The following LRBA variants were observed in gnomAD, a reference collection of about 807,000 sequenced individuals.
LRBA encodes lipopolysaccharide-responsive and beige-like anchor protein.
Under a neutral mutation model 330.0 loss-of-function variants are expected in LRBA, and 176 were observed. The ratio of observed to expected loss-of-function variants is 0.53; its 90% confidence interval spans 0.47 to 0.60. LRBA has a LOEUF of 0.60. LRBA is among the 20% of genes least tolerant of loss of function. The pLI is 0.00. For synonymous variants in LRBA, 1,230 were observed against 1,193.0 expected, an observed-to-expected ratio of 1.03 and a Z score of -0.64; for missense variants, 3,259 against 3,444.8, an observed-to-expected ratio of 0.95 and a Z score of 1.35.
intron 55 of LRBA, among the ~76,000 whole-genome samples, chr4:150,281,361 A>T (rs1030166525): frequency 6.6e-6 from 1 of 152,090 alleles, no homozygotes; most frequent in African/African-American, 2.4e-5. Context: ...GACCGCAGAG[A>T]ACAGTGGAGA....
chr4:150,360,153 T>C (rs993449156), intron 47 of LRBA, among the ~76,000 whole-genome samples: 2 of 151,896 alleles, frequency 1.3e-5, no homozygotes, highest in South Asian at 2.1e-4. Context: ...TTTTTTAATT[T>C]ATAAAAAATT....
At chr4:150,502,697 C>T (rs967685530) in intron 40 of LRBA, among the ~76,000 whole-genome samples, 4 of 152,172 alleles carry the variant, frequency 2.6e-5, no homozygotes, top group African/African-American at 4.8e-5. Context: ...GTGTGCCAGA[C>T]AGTGGGTGCA....
intron 46 of LRBA, among the ~76,000 whole-genome samples, chr4:150,428,102 T>C (rs1436106388): frequency 6.6e-6 from 1 of 152,042 alleles, no homozygotes; most frequent in Non-Finnish European, 1.5e-5. Flanking sequence ...TTTTTAAGGG[T>C]TAAATATTAA....
chr4:150,612,496 G>A (rs981976752), intron 37 of LRBA, among the ~76,000 whole-genome samples: 4 of 152,080 alleles, frequency 2.6e-5, no homozygotes, highest in Admixed American at 1.3e-4. Flanking sequence ...GTTGGAAGCC[G>A]GTTCTCTGAA....
chr4:150,726,337 G>A (rs1046923890), intron 36 of LRBA, among the ~76,000 whole-genome samples: 4 of 152,170 alleles, frequency 2.6e-5, no homozygotes, highest in Non-Finnish European at 5.9e-5. Context: ...AACAGAGCAG[G>A]AGTAGTTACA....
intron 40 of LRBA, among the ~76,000 whole-genome samples, chr4:150,563,067 G>T (rs1324297354): frequency 6.6e-6 from 1 of 152,088 alleles, no homozygotes; most frequent in Admixed American, 6.6e-5. Flanking sequence ...AAAGTGCTGG[G>T]ATTACAGAAA....
chr4:150,374,745 C>T (rs1581145473), intron 47 of LRBA, among the ~76,000 whole-genome samples: 1 of 152,248 alleles, frequency 6.6e-6, no homozygotes, highest in East Asian at 1.9e-4. Context: ...ACCTGAAATA[C>T]TTCTGGTCCC....
chr4:151,014,164 C>T (rs963689603), intron 2 of LRBA: 2 of 342,290 alleles, frequency 5.8e-6, no homozygotes, highest in Non-Finnish European at 5.3e-6. Context: ...GAACCTCCCC[C>T]CAATACTTCC....
At chr4:150,981,962 C>CAAA (rs57550785) in intron 2 of LRBA, among the ~76,000 whole-genome samples, 2 of 63,944 alleles carry the variant, frequency 3.1e-5, no homozygotes, top group South Asian at 5.5e-4. Context: ...GACTCCATCT[C>CAAA]AAAAAAAAAA....
intron 36 of LRBA, among the ~76,000 whole-genome samples, chr4:150,687,342 T>C (rs1023230498): frequency 2.0e-5 from 3 of 152,038 alleles, no homozygotes; most frequent in Non-Finnish European, 4.4e-5. Context: ...TATTTGGAGG[T>C]TGAGTGGAGG....
intron 37 of LRBA, among the ~76,000 whole-genome samples, chr4:150,602,583 C>A (rs1461137557): frequency 6.6e-6 from 1 of 152,110 alleles, no homozygotes; most frequent in East Asian, 1.9e-4. Context: ...CACACACACA[C>A]AAAAATGAGG....
At chr4:150,690,376 G>GC (rs1436420994) in intron 36 of LRBA, among the ~76,000 whole-genome samples, 1 of 151,832 alleles carries the variant, frequency 6.6e-6, no homozygotes, top group Non-Finnish European at 1.5e-5. Flanking sequence ...GGTGGCACAC[G>GC]CCTGTAATCC....
At chr4:150,541,592 T>C (rs1376252651) in intron 40 of LRBA, among the ~76,000 whole-genome samples, 1 of 152,240 alleles carries the variant, frequency 6.6e-6, no homozygotes, top group African/African-American at 2.4e-5. Context: ...GGTATCAATT[T>C]CAGAAGTTTA....
At chr4:150,817,343 C>T in intron 30 of LRBA, 86 bp from the exon 31 acceptor site, 1 of 1,222,574 alleles carries the variant, frequency 8.2e-7, no homozygotes, top group Non-Finnish European at 1.2e-6. Context: ...AACTAGGTAG[C>T]TAACTTATTT....
At chr4:150,282,754 T>A in intron 54 of LRBA, 108 bp from the exon 55 acceptor site, 1 of 758,736 alleles carries the variant, frequency 1.3e-6, no homozygotes, top group Non-Finnish European at 2.0e-6. Flanking sequence ...ACTATAGATG[T>A]AGAAAGCCTT....
At chr4:150,659,912 G>GC (rs1237287468) in intron 37 of LRBA, among the ~76,000 whole-genome samples, 1 of 45,602 alleles carries the variant, frequency 2.2e-5, no homozygotes, top group African/African-American at 6.1e-5. Flanking sequence ...GGGGGGGTCA[G>GC]CCCCCCGCCC....
chr4:150,932,607 C>A (rs1223323615), intron 2 of LRBA, among the ~76,000 whole-genome samples: 1 of 152,056 alleles, frequency 6.6e-6, no homozygotes, highest in Non-Finnish European at 1.5e-5. Flanking sequence ...GAAACAGGTA[C>A]AATATGACTT....
intron 53 of LRBA, among the ~76,000 whole-genome samples, chr4:150,302,254 A>G (rs1696933667): frequency 9.6e-6 from 1 of 104,662 alleles, no homozygotes; most frequent in Non-Finnish European, 2.6e-5. Context: ...TTTCTATGAA[A>G]TTATTATTTT....
In LRBA at chr4:150,774,319, C is replaced by T. The variant is rs144636219; in HGVS notation, c.5581-12472G>A. On this transcript the variant is annotated intron_variant, in intron 34 of 56. Coordinates refer to ENST00000651943, the MANE Select transcript of LRBA (RefSeq NM_001364905.1). ...TTGGCATCTGCTGACAAAGGATCTA[C>T]CACCTCAAAGACTTGTCGTTGTAAG... 1.9e-4 allele frequency among the ~76,000 whole-genome samples: 29 copies of T among 152,274 alleles called. No homozygotes were observed. The East Asian group carries it at 5.0e-3, about 26-fold the overall frequency.
Sources: gnomAD v4.1 joint callset for allele counts (sites outside exome capture counted in the v4.1 genomes callset) on GRCh38, gnomAD v4.1.1 for gene constraint, MANE v1.5 for transcripts, NCBI Gene and HGNC (gene_info 2026-07-23, HGNC 2026-07-21) for gene names.